CSRNP3: variants seen among roughly 807,000 people sequenced by gnomAD.
CSRNP3 encodes cysteine/serine-rich nuclear protein 3.
Under a neutral mutation model 48.0 loss-of-function variants are expected in CSRNP3, and 12 were observed. The observed-to-expected ratio is 0.25, with a 90% CI of 0.16 to 0.41. The LOEUF (loss-of-function observed/expected upper bound fraction) is 0.41, where lower values mean the gene tolerates loss of function less well. Ranked by LOEUF, CSRNP3 falls within the 10% of genes least tolerant of loss-of-function variation. The probability of loss-of-function intolerance (pLI) is 1.00; values close to 1 mark genes in which losing one functional copy is unlikely to be tolerated. For missense variants in CSRNP3, 580 were observed against 724.4 expected, an observed-to-expected ratio of 0.80 and a Z score of 2.29; for synonymous variants, 263 against 269.7, an observed-to-expected ratio of 0.98 and a Z score of 0.24.
intron 3 of CSRNP3, among the ~76,000 whole-genome samples, chr2:165,558,912 T>G (rs574924447): frequency 8.6e-4 from 131 of 152,266 alleles, no homozygotes; most frequent in Middle Eastern, 3.4e-3. Flanking sequence ...ATTATTAATC[T>G]TCCGATAGGC....
intron 3 of CSRNP3, among the ~76,000 whole-genome samples, chr2:165,532,570 A>T (rs1423117425): frequency 2.6e-5 from 4 of 152,004 alleles, no homozygotes; most frequent in Non-Finnish European, 5.9e-5. Context: ...CAAAATAATA[A>T]GAGCTATCTA....
In CSRNP3 at chr2:165,673,248, G is replaced by A. The variant is rs150908678; in HGVS notation, c.409-3064G>A. ...TGCCTCCCAGGTTCAAGTGATTCTC[G>A]TGCCTCAGTCACATGAGTAGCTGTG... is the stretch of plus-strand genomic sequence containing the variant. On this transcript the variant is annotated intron_variant, in intron 5 of 6. Transcript: ENST00000651982. Among the ~76,000 whole-genome samples the A allele has an allele frequency of 4.0e-4, 56 of 138,370 alleles. 1 individual carries two copies. Among genetic ancestry groups the A allele is most frequent in the East Asian group, 2.9e-3 (13 of 4,428 alleles). 90.8% of individuals were successfully genotyped at this position (138,370 alleles called of 152,430 possible).
intron 1 of CSRNP3, among the ~76,000 whole-genome samples, chr2:165,473,830 G>A (rs985649455): frequency 3.3e-5 from 5 of 152,132 alleles, no homozygotes; most frequent in African/African-American, 4.8e-5. Context: ...TGTTGAATAT[G>A]CATGCCCTGA....
chr2:165,679,765 A>G lies in CSRNP3; in HGVS notation c.*12A>G. ...CAGTCCCTGTTTAGTAGCTTAAATT[A>G]TTCTAGGACCAACTCTTCTCTTATT... is the stretch of plus-strand genomic sequence containing the variant. On this transcript the variant is annotated 3_prime_UTR_variant, in exon 7 of 7. Coordinates refer to ENST00000651982, the MANE Select transcript of CSRNP3 (RefSeq NM_001172173.2). The G allele has an allele frequency of 6.2e-7, 1 of 1,602,540 alleles. No homozygotes were observed. The highest frequency in any genetic ancestry group is 8.5e-7 in the Non-Finnish European group (1 of 1,172,782).
At chr2:165,657,475 T>C (rs1185986915) in intron 4 of CSRNP3, among the ~76,000 whole-genome samples, 1 of 152,202 alleles carries the variant, frequency 6.6e-6, no homozygotes, top group African/African-American at 2.4e-5. Flanking sequence ...CTGCCACAGA[T>C]TCACAGACTA....
At chr2:165,647,229 G>A (rs1185415759) in intron 4 of CSRNP3, among the ~76,000 whole-genome samples, 2 of 152,178 alleles carry the variant, frequency 1.3e-5, no homozygotes, top group Non-Finnish European at 2.9e-5. Context: ...AAATGCAGAT[G>A]CTCATTAATA....
intron 4 of CSRNP3, among the ~76,000 whole-genome samples, chr2:165,598,906 C>T (rs1203351026): frequency 1.3e-5 from 2 of 151,952 alleles, no homozygotes; most frequent in African/African-American, 4.8e-5. Context: ...ATAGTAAAGA[C>T]TCAAAAGACA....
At chr2:165,633,286 G>A (rs1036243795) in intron 4 of CSRNP3, among the ~76,000 whole-genome samples, 2 of 152,070 alleles carry the variant, frequency 1.3e-5, no homozygotes, top group Non-Finnish European at 2.9e-5. Context: ...AACTATGTTG[G>A]CATAAGGATC....
At chr2:165,598,090 T>C (rs528644004) in intron 4 of CSRNP3, among the ~76,000 whole-genome samples, 1 of 152,002 alleles carries the variant, frequency 6.6e-6, no homozygotes, top group African/African-American at 2.4e-5. Context: ...AAAAACAAGG[T>C]GAAAACTATA....
chr2:165,564,278 C>T (rs1558935659), intron 3 of CSRNP3, among the ~76,000 whole-genome samples: 1 of 151,572 alleles, frequency 6.6e-6, no homozygotes, highest in South Asian at 2.1e-4. Flanking sequence ...AAAGCTTAAA[C>T]ATAACAGCAG....
At chr2:165,472,833 C>T (rs542115208) in intron 1 of CSRNP3, among the ~76,000 whole-genome samples, 5 of 152,078 alleles carry the variant, frequency 3.3e-5, no homozygotes, top group African/African-American at 7.2e-5. Context: ...GCTTAAACTA[C>T]GTGTTAAAAT....
At chr2:165,490,970 G>A (rs1200723252) in intron 1 of CSRNP3, among the ~76,000 whole-genome samples, 4 of 139,930 alleles carry the variant, frequency 2.9e-5, no homozygotes, top group Non-Finnish European at 6.3e-5. Flanking sequence ...AAACTAAAGA[G>A]CTTCTGCACA....
chr2:165,515,588 C>G (rs1324120095), intron 2 of CSRNP3, among the ~76,000 whole-genome samples: 1 of 151,312 alleles, frequency 6.6e-6, no homozygotes, highest in Non-Finnish European at 1.5e-5. Flanking sequence ...AACGAAATAG[C>G]ATCCTCATTT....
intron 4 of CSRNP3, among the ~76,000 whole-genome samples, chr2:165,615,884 TG>T (rs58555897): frequency 0.014 from 1,668 of 119,714 alleles, 165 homozygotes; most frequent in African/African-American, 0.015. Flanking sequence ...CTAATGTTTG[TG>T]GGGTTTTTTT....
Position 165,531,602 on chromosome 2 carries a change from T to A in CSRNP3, c.-24+13641T>A, listed in dbSNP as rs150051379. ...ACATGAACTCATTATTTTTTATGGC[T>A]GCATAGTATTTCATGGTGTGACACC... is the stretch of plus-strand genomic sequence containing the variant. On this transcript the variant is annotated intron_variant, in intron 3 of 6. Transcript: ENST00000651982. Among the ~76,000 whole-genome samples the A allele has an allele frequency of 2.6e-3, 394 of 152,294 alleles. 3 individuals are homozygous for A. The highest frequency in any genetic ancestry group is 8.5e-3 in the African/African-American group (353 of 41,560).
intron 1 of CSRNP3, among the ~76,000 whole-genome samples, chr2:165,485,936 G>T (rs1684106634): frequency 6.6e-6 from 1 of 152,114 alleles, no homozygotes; most frequent in Non-Finnish European, 1.5e-5. Flanking sequence ...ACAAAGCTAG[G>T]AGGAGCCAAG....
intron 3 of CSRNP3, among the ~76,000 whole-genome samples, chr2:165,542,143 A>G (rs1424720991): frequency 6.6e-6 from 1 of 152,140 alleles, no homozygotes; most frequent in African/African-American, 2.4e-5. Flanking sequence ...TACCTAGCAC[A>G]TCCTAATATT....
chr2:165,524,419 A>G (rs1684705893), intron 3 of CSRNP3, among the ~76,000 whole-genome samples: 1 of 152,226 alleles, frequency 6.6e-6, no homozygotes, highest in South Asian at 2.1e-4. Flanking sequence ...ACTTTGGCCT[A>G]GAAAAGTATT....
chr2:165,658,276 C>T (rs1365273627), intron 5 of CSRNP3, among the ~76,000 whole-genome samples: 1 of 152,032 alleles, frequency 6.6e-6, no homozygotes, highest in Non-Finnish European at 1.5e-5. Context: ...TGTGCTTGGG[C>T]TAGGGCTAGT....
Sources: gnomAD v4.1 joint callset for allele counts (sites outside exome capture counted in the v4.1 genomes callset) on GRCh38, gnomAD v4.1.1 for gene constraint, MANE v1.5 for transcripts, NCBI Gene and HGNC (gene_info 2026-07-23, HGNC 2026-07-21) for gene names.